Variants in CTPS2 observed in about 807,000 individuals in gnomAD.
CTPS2 encodes the protein CTP synthase II.
A neutral mutation model predicts 46.8 loss-of-function variants in CTPS2; 19 were observed. The ratio of observed to expected loss-of-function variants is 0.41; its 90% confidence interval spans 0.28 to 0.60. The LOEUF is 0.60. Ranked by LOEUF, CTPS2 falls within the 20% of genes least tolerant of loss-of-function variation. CTPS2 has a pLI of 0.35. For missense variants in CTPS2, 286 were observed against 447.6 expected, an observed-to-expected ratio of 0.64 and a Z score of 3.26; for synonymous variants, 151 against 165.2, an observed-to-expected ratio of 0.91 and a Z score of 0.66.
At chrX:16,661,062 T>G (rs1281081944) in intron 13 of CTPS2, among the ~76,000 whole-genome samples, 2 of 110,132 alleles carry the variant, frequency 1.8e-5, no homozygotes, top group Non-Finnish European at 3.8e-5. Context: ...CAGGTTCAAG[T>G]GATTCTCCTG....
chrX:16,616,642 T>A (rs1930544181), intron 16 of CTPS2, among the ~76,000 whole-genome samples: 2 of 111,886 alleles, frequency 1.8e-5, no homozygotes, highest in African/African-American at 6.5e-5. Flanking sequence ...CTTGGAATAA[T>A]ACATCATTTT....
At chrX:16,613,022 T>G (rs993363875) in intron 16 of CTPS2, among the ~76,000 whole-genome samples, 4 of 112,250 alleles carry the variant, frequency 3.6e-5, no homozygotes, top group Admixed American at 9.5e-5. Flanking sequence ...GGAGCCTTCT[T>G]GGACTTCAAT....
At chrX:16,687,605 C>G (rs1923339196) in intron 8 of CTPS2, among the ~76,000 whole-genome samples, 2 of 111,031 alleles carry the variant, frequency 1.8e-5, no homozygotes, top group South Asian at 7.5e-4. Flanking sequence ...TGTATCAGCC[C>G]CAAGCTACTT....
Position 16,650,997 on chromosome X carries a change from A to G in CTPS2, c.1297-11754T>C, listed in dbSNP as rs111783979. On this transcript the variant is annotated intron_variant, in intron 13 of 18. Coordinates refer to ENST00000359276, the MANE Select transcript of CTPS2 (RefSeq NM_175859.3). ...AAGTTTATTTTCTTCCCAATTTATAAGACACCAGAATGAGTACTAAAAAGT... is the reference window on the plus strand; with the variant it reads ...AAGTTTATTTTCTTCCCAATTTATAGGACACCAGAATGAGTACTAAAAAGT... 7.1e-3 allele frequency: 8,559 copies of G among 1,197,764 alleles called. 375 individuals are homozygous for G. In the African/African-American group the frequency reaches 0.13, roughly 18 times the overall value.
intron 13 of CTPS2, among the ~76,000 whole-genome samples, chrX:16,661,194 A>C (rs1343014303): frequency 9.0e-6 from 1 of 111,371 alleles, no homozygotes; most frequent in Non-Finnish European, 1.9e-5. Flanking sequence ...TCCTGACCTC[A>C]GGCGATCCAC....
At chrX:16,712,843 C>T (rs1454351792), upstream of CTPS2, 1 of 111,936 alleles carries the variant, frequency 8.9e-6, no homozygotes, top group African/African-American at 3.2e-5. Flanking sequence ...TAAAGAACTT[C>T]ACTGGTCACA....
intron 4 of CTPS2, 131 bp downstream of exon 4, chrX:16,698,105 G>A (rs748200094): frequency 6.1e-6 from 3 of 494,031 alleles, no homozygotes; most frequent in Non-Finnish European, 1.1e-5. Flanking sequence ...GTTGTTTCTT[G>A]CTGTGACCCC....
chrX:16,618,736 T>C (rs1218899717), intron 15 of CTPS2, among the ~76,000 whole-genome samples: 1 of 112,290 alleles, frequency 8.9e-6, no homozygotes, highest in Non-Finnish European at 1.9e-5. Context: ...TTATTAGTCA[T>C]TTGTACATCT....
chrX:16,673,584 T>TAA (rs369260548), intron 10 of CTPS2, among the ~76,000 whole-genome samples: 113 of 102,292 alleles, frequency 1.1e-3, no homozygotes, highest in African/African-American at 3.8e-3. Context: ...TGTGTGATGT[T>TAA]AAAAAAAAAA....
At chrX:16,688,895 A>G (rs1316379065) in intron 8 of CTPS2, among the ~76,000 whole-genome samples, 1 of 108,726 alleles carries the variant, frequency 9.2e-6, no homozygotes, top group Non-Finnish European at 1.9e-5. Context: ...GGAGTTCAAG[A>G]CCAGTGTGGG....
chrX:16,612,949 T>C (rs1454631816), intron 16 of CTPS2, among the ~76,000 whole-genome samples: 1 of 112,399 alleles, frequency 8.9e-6, no homozygotes, highest in African/African-American at 3.2e-5. Flanking sequence ...ATCCAGTAAG[T>C]GCACACTGAA....
chrX:16,638,030 C>T (rs1247222932), intron 14 of CTPS2, among the ~76,000 whole-genome samples: 4 of 110,900 alleles, frequency 3.6e-5, no homozygotes, highest in Non-Finnish European at 5.7e-5. Context: ...CCGAGGCGGG[C>T]AGATCATGAG....
chrX:16,701,172 A>T (rs1924519701), intron 2 of CTPS2, among the ~76,000 whole-genome samples: 1 of 111,852 alleles, frequency 8.9e-6, no homozygotes, highest in Non-Finnish European at 1.9e-5. Context: ...ATCAAAATCA[A>T]AGAACTCTAA....
At chrX:16,683,544 A>G (rs1922911229) in intron 8 of CTPS2, among the ~76,000 whole-genome samples, 1 of 112,042 alleles carries the variant, frequency 8.9e-6, no homozygotes, top group Non-Finnish European at 1.9e-5. Flanking sequence ...GGCTGCAGTG[A>G]GCTATGATCA....
At chrX:16,681,501 G>A (rs940024908) in intron 9 of CTPS2, among the ~76,000 whole-genome samples, 4 of 111,549 alleles carry the variant, frequency 3.6e-5, no homozygotes, top group Admixed American at 2.9e-4. Flanking sequence ...GGGATTTCAG[G>A]GAGGAGGAAT....
chrX:16,712,641 C>A lies in CTPS2; in HGVS notation c.-346G>T, dbSNP rs1462849055. 2 of 113,363 alleles carry A rather than the reference C, an allele frequency of 1.8e-5. No homozygotes were observed. The highest frequency in any genetic ancestry group is 6.4e-5 in the African/African-American group (2 of 31,224). The allele number at this position is 113,363 out of a possible 1,213,427, so 9.3% of individuals were successfully genotyped here. A position where few individuals can be genotyped will look rare whatever the true frequency, so the allele number is the denominator to read the frequency against. On this transcript the variant is annotated 5_prime_UTR_variant, in exon 1 of 19. Transcript: ENST00000359276. ...AAAGTGATTCCTCCAGCACAGGCAGCTCCCGTCACCCTCCGCTCTGGACGC... is the reference window on the plus strand; with the variant it reads ...AAAGTGATTCCTCCAGCACAGGCAGATCCCGTCACCCTCCGCTCTGGACGC...
intron 13 of CTPS2, among the ~76,000 whole-genome samples, chrX:16,666,562 T>C (rs1921206069): frequency 9.0e-6 from 1 of 110,730 alleles, no homozygotes; most frequent in African/African-American, 3.3e-5. Context: ...GGTGGGAAGA[T>C]TGTTTGACCC....
chrX:16,667,341 C>T (rs1428298377), intron 13 of CTPS2, among the ~76,000 whole-genome samples, 173 bp downstream of exon 13: 1 of 110,966 alleles, frequency 9.0e-6, no homozygotes, highest in African/African-American at 3.3e-5. Flanking sequence ...ACCATGTTGA[C>T]CAGGCTACTC....
At chrX:16,604,320 C>A (rs1929844789) in intron 17 of CTPS2, among the ~76,000 whole-genome samples, 1 of 112,082 alleles carries the variant, frequency 8.9e-6, no homozygotes, top group Non-Finnish European at 1.9e-5. Context: ...AAACTGAACC[C>A]CATCTAAGTT....
Sources: gnomAD v4.1 joint callset for allele counts (sites outside exome capture counted in the v4.1 genomes callset) on GRCh38, gnomAD v4.1.1 for gene constraint, MANE v1.5 for transcripts, NCBI Gene and HGNC (gene_info 2026-07-23, HGNC 2026-07-21) for gene names.